PTK2: variants seen among roughly 807,000 people sequenced by gnomAD.
The protein encoded by PTK2 is protein tyrosine kinase 2, also known as focal adhesion kinase 1.
In PTK2, 45 loss-of-function variants were observed where a neutral mutation model predicts 150.1. The ratio of observed to expected loss-of-function variants is 0.30; its 90% CI spans 0.24 to 0.38. The LOEUF (loss-of-function observed/expected upper bound fraction) is 0.38, where lower values mean the gene tolerates loss of function less well. PTK2 is among the 10% of genes least tolerant of loss of function. PTK2 has a pLI of 1.00. For synonymous variants in PTK2, 432 were observed against 449.2 expected, an observed-to-expected ratio of 0.96 and a Z score of 0.48; for missense variants, 919 against 1,307.3, an observed-to-expected ratio of 0.70 and a Z score of 4.58.
At chr8:140,681,578 C>A (rs941580502) in intron 27 of PTK2, among the ~76,000 whole-genome samples, 2 of 152,074 alleles carry the variant, frequency 1.3e-5, no homozygotes, top group African/African-American at 2.4e-5. Flanking sequence ...GAGATCGAGA[C>A]CATCCCGGCT....
intron 1 of PTK2, among the ~76,000 whole-genome samples, chr8:140,992,503 A>T (rs1404464945): frequency 2.0e-5 from 3 of 151,990 alleles, no homozygotes; most frequent in Non-Finnish European, 4.4e-5. Context: ...CTTGCTGAAC[A>T]CCACCCTCAG....
At chr8:140,702,448 G>T in intron 25 of PTK2, 122 bp downstream of exon 28, 1 of 1,272,634 alleles carries the variant, frequency 7.9e-7, no homozygotes, top group Non-Finnish European at 1.1e-6. Context: ...CAAACTCTGG[G>T]GCTCAAGCAA....
intron 22 of PTK2, among the ~76,000 whole-genome samples, chr8:140,727,965 G>A (rs762553123): frequency 7.9e-5 from 12 of 152,156 alleles, no homozygotes; most frequent in Admixed American, 4.6e-4. Flanking sequence ...GGAGGCCCAG[G>A]AGGGTTGATC....
At chr8:140,897,312 A>C (rs1393740766) in intron 2 of PTK2, among the ~76,000 whole-genome samples, 1 of 152,202 alleles carries the variant, frequency 6.6e-6, no homozygotes, top group Non-Finnish European at 1.5e-5. Context: ...TACCAGAATG[A>C]AGCAGTTTTC....
intron 4 of PTK2, among the ~76,000 whole-genome samples, chr8:140,865,294 T>C (rs1435457495): frequency 6.6e-6 from 1 of 152,138 alleles, no homozygotes; most frequent in Non-Finnish European, 1.5e-5. Context: ...GAACTCCTGG[T>C]CTCAAGGGAT....
chr8:140,664,304 T>C (rs1054242963), intron 31 of PTK2, among the ~76,000 whole-genome samples: 4 of 152,064 alleles, frequency 2.6e-5, no homozygotes, highest in Non-Finnish European at 4.4e-5. Flanking sequence ...AGACAATAAT[T>C]TTATTTATTA....
chr8:140,812,022 CCTAG>C (rs1305846415), intron 10 of PTK2, among the ~76,000 whole-genome samples: 19 of 152,152 alleles, frequency 1.2e-4, no homozygotes, highest in African/African-American at 4.1e-4. Context: ...AGTTCCCCAA[CCTAG>C]CTAGAGAAGT....
At chr8:140,666,482 G>A (rs781433161) in intron 30 of PTK2, among the ~76,000 whole-genome samples, 48 of 150,928 alleles carry the variant, frequency 3.2e-4, no homozygotes, top group Non-Finnish European at 5.3e-4. Flanking sequence ...ATACACAAAC[G>A]CTCAAAAAGC....
At chr8:140,915,341 T>C (rs762494564) in intron 2 of PTK2, among the ~76,000 whole-genome samples, 4 of 152,100 alleles carry the variant, frequency 2.6e-5, no homozygotes, top group East Asian at 1.9e-4. Flanking sequence ...GGTGGGAGGA[T>C]TGCTTGAGCC....
chr8:140,766,097 T>C (rs970906929), intron 14 of PTK2, among the ~76,000 whole-genome samples: 2 of 152,144 alleles, frequency 1.3e-5, no homozygotes, highest in African/African-American at 4.8e-5. Context: ...CCACTCAAAC[T>C]CTGCACCTCT....
chr8:140,946,383 G>A lies in PTK2; in HGVS notation c.-121-20634C>T, dbSNP rs564072909. On this transcript the variant is annotated intron_variant, in intron 1 of 31. Transcript: ENST00000522684. ...AACAAAAACTGTTCTAGAACTACACGAGGAAGATGGGGGAGAGGAAAGACC... is the reference window on the plus strand; with the variant it reads ...AACAAAAACTGTTCTAGAACTACACAAGGAAGATGGGGGAGAGGAAAGACC... Among the ~76,000 whole-genome samples the A allele has an allele frequency of 9.2e-5, 14 of 152,204 alleles. No individual in the cohort carries two copies. The South Asian group carries it at 2.7e-3, about 29-fold the overall frequency.
chr8:140,979,351 T>C (rs984619091), intron 1 of PTK2, among the ~76,000 whole-genome samples: 1 of 127,674 alleles, frequency 7.8e-6, no homozygotes, highest in Non-Finnish European at 1.7e-5. Context: ...TCACAACACA[T>C]AATGATAAAG....
chr8:140,862,878 G>A (rs546643879), intron 5 of PTK2, among the ~76,000 whole-genome samples: 1 of 152,234 alleles, frequency 6.6e-6, no homozygotes, highest in African/African-American at 2.4e-5. Context: ...TAGAAAAACT[G>A]TCCTCCTCAA....
intron 28 of PTK2, among the ~76,000 whole-genome samples, chr8:140,674,665 G>A (rs1253150067): frequency 2.0e-5 from 3 of 152,002 alleles, no homozygotes; most frequent in Non-Finnish European, 4.4e-5. Context: ...CTTGAACCCA[G>A]GAGGTGGAGG....
At chr8:140,933,973 A>C (rs2100172803) in intron 1 of PTK2, among the ~76,000 whole-genome samples, 1 of 151,066 alleles carries the variant, frequency 6.6e-6, no homozygotes, top group African/African-American at 2.4e-5. Context: ...TAAATATAAA[A>C]TAAATGACAT....
At chr8:140,800,609 A>G (rs2100094475) in intron 11 of PTK2, 33 bp from the exon 12 acceptor site, 2 of 1,539,202 alleles carry the variant, frequency 1.3e-6, no homozygotes, top group Non-Finnish European at 1.8e-6. Context: ...AACAGACTTC[A>G]TTGTTCTTCC....
At chr8:140,707,693 C>T (rs1438619065) in intron 23 of PTK2, among the ~76,000 whole-genome samples, 1 of 152,220 alleles carries the variant, frequency 6.6e-6, no homozygotes, top group African/African-American at 2.4e-5. Context: ...GAGTGAACCA[C>T]TGTGCCCAGC....
At chr8:140,799,529 C>A (rs2100093702) in intron 12 of PTK2, among the ~76,000 whole-genome samples, 1 of 152,218 alleles carries the variant, frequency 6.6e-6, no homozygotes. Context: ...AGGTGTCTAA[C>A]AACCCTACAA....
intron 23 of PTK2, among the ~76,000 whole-genome samples, chr8:140,711,507 T>C (rs959343314): frequency 6.6e-6 from 1 of 152,230 alleles, no homozygotes; most frequent in Non-Finnish European, 1.5e-5. Flanking sequence ...CTGCTTTATA[T>C]ATTTTGTATA....
Sources: gnomAD v4.1 joint callset for allele counts (sites outside exome capture counted in the v4.1 genomes callset) on GRCh38, gnomAD v4.1.1 for gene constraint, MANE v1.5 for transcripts, NCBI Gene and HGNC (gene_info 2026-07-23, HGNC 2026-07-21) for gene names.